Variants in AGMO observed in about 807,000 individuals in gnomAD.
AGMO encodes alkylglycerol monooxygenase.
A neutral mutation model predicts 60.2 loss-of-function variants in AGMO; 75 were observed. That is an observed-to-expected ratio of 1.25 (90% confidence interval 1.03 to 1.51). The LOEUF (loss-of-function observed/expected upper bound fraction) is 1.51, where lower values mean the gene tolerates loss of function less well. Ranked by LOEUF, AGMO falls within the 40% of genes most tolerant of loss-of-function variation. The probability of loss-of-function intolerance (pLI) is 0.00; values close to 1 mark genes in which losing one functional copy is unlikely to be tolerated. For missense variants in AGMO, 763 were observed against 525.5 expected, an observed-to-expected ratio of 1.45 and a Z score of -4.42; for synonymous variants, 261 against 177.1, an observed-to-expected ratio of 1.47 and a Z score of -3.76.
At chr7:15,525,547 C>G (rs1784106158) in intron 3 of AGMO, among the ~76,000 whole-genome samples, 1 of 152,150 alleles carries the variant, frequency 6.6e-6, no homozygotes, top group Non-Finnish European at 1.5e-5. Context: ...CCGCTGAGAT[C>G]TGTTTCATTG....
chr7:15,325,617 A>G (rs1583410686), intron 12 of AGMO, among the ~76,000 whole-genome samples: 1 of 152,288 alleles, frequency 6.6e-6, no homozygotes, highest in Non-Finnish European at 1.5e-5. Context: ...AAAAAGGAAA[A>G]TGGTTGAAAC....
chr7:15,288,856 A>G (rs376997702), intron 12 of AGMO, among the ~76,000 whole-genome samples: 8 of 147,268 alleles, frequency 5.4e-5, no homozygotes, highest in Non-Finnish European at 1.2e-4. Flanking sequence ...AAAAATAAAA[A>G]AAAAAAAAAT....
At chr7:15,128,479 T>C in the AGMO span, among the ~76,000 whole-genome samples, 184 of 152,262 alleles carry the variant, frequency 1.2e-3, no homozygotes, top group Non-Finnish European at 2.0e-3. Context: ...CTATGGACTT[T>C]GTGATAATTC....
chr7:15,409,820 C>G (rs890023426), intron 5 of AGMO, among the ~76,000 whole-genome samples: 3 of 151,742 alleles, frequency 2.0e-5, no homozygotes, highest in African/African-American at 4.8e-5. Flanking sequence ...TGGAGTCTGA[C>G]TACTTTGTAC....
intron 3 of AGMO, among the ~76,000 whole-genome samples, chr7:15,512,138 C>A (rs1043902287): frequency 4.6e-5 from 7 of 152,108 alleles, no homozygotes; most frequent in African/African-American, 1.7e-4. Flanking sequence ...GAGACTGATA[C>A]AACAGTTACA....
At chr7:15,560,952 A>T (rs1785286366) in intron 1 of AGMO, among the ~76,000 whole-genome samples, 3 of 152,178 alleles carry the variant, frequency 2.0e-5, no homozygotes, top group Admixed American at 2.0e-4. Context: ...TAACTTAAAA[A>T]CTCAGAAAGA....
At chr7:15,559,082 C>T (rs62438967) in intron 2 of AGMO, among the ~76,000 whole-genome samples, 8,569 of 152,182 alleles carry the variant, frequency 0.056, 282 homozygotes, top group Middle Eastern at 0.092. Flanking sequence ...CCTCTTCACA[C>T]ATTATAATGT....
chr7:15,370,584 T>C (rs1356700355), intron 10 of AGMO, among the ~76,000 whole-genome samples: 2 of 152,216 alleles, frequency 1.3e-5, no homozygotes, highest in Non-Finnish European at 2.9e-5. Flanking sequence ...ATAGCCATTC[T>C]TACTGGTGTG....
chr7:15,143,615 A>T, the AGMO span, among the ~76,000 whole-genome samples: 6 of 152,052 alleles, frequency 3.9e-5, no homozygotes, highest in Admixed American at 3.3e-4. Flanking sequence ...ATATTTAAAA[A>T]CATATTTCCA....
intron 10 of AGMO, among the ~76,000 whole-genome samples, chr7:15,373,912 C>A (rs993696299): frequency 3.9e-5 from 6 of 152,142 alleles, no homozygotes. Flanking sequence ...TAAAATGAGG[C>A]TAATATTGCC....
intron 12 of AGMO, among the ~76,000 whole-genome samples, chr7:15,333,870 T>G (rs1435815316): frequency 6.6e-6 from 1 of 152,088 alleles, no homozygotes; most frequent in Non-Finnish European, 1.5e-5. Flanking sequence ...CCAATTCCTA[T>G]TGCATGTATT....
chr7:15,238,642 A>G (rs1190445117), intron 12 of AGMO, among the ~76,000 whole-genome samples: 1 of 151,756 alleles, frequency 6.6e-6, no homozygotes, highest in East Asian at 1.9e-4. Flanking sequence ...CACAAAGGCA[A>G]AAAGGATTAT....
At position 15,201,341 on chromosome 7, in the gene AGMO, T is replaced by C. The variant is rs141940393; in HGVS notation, c.1282A>G (p.Ile428Val). Residue 428 changes from isoleucine to valine, a missense_variant, in exon 13 of 13, where the codon ATT (isoleucine) becomes GTT (valine). Coordinates refer to ENST00000342526, the MANE Select transcript of AGMO (RefSeq NM_001004320.2). ...SAFEIVFSIC[I>V]AFWGVRSMKQ... ...ATGCTTCTAACTCCCCAGAAAGCAA[T>C]GCAAATGGAAAAAACAATCTGAAGA... 80 of 1,611,486 alleles carry C rather than the reference T, an allele frequency of 5.0e-5. No homozygotes were observed. Among genetic ancestry groups the C allele is most frequent in the Non-Finnish European group, 8.5e-6 (10 of 1,178,890 alleles).
chr7:15,154,417 A>C, the AGMO span, among the ~76,000 whole-genome samples: 1 of 152,224 alleles, frequency 6.6e-6, no homozygotes, highest in Non-Finnish European at 1.5e-5. Context: ...TCCCATGCTC[A>C]TGGATAGCAA....
chr7:15,332,682 G>A (rs1423863122), intron 12 of AGMO, among the ~76,000 whole-genome samples: 1 of 152,056 alleles, frequency 6.6e-6, no homozygotes, highest in Non-Finnish European at 1.5e-5. Flanking sequence ...TAAAGTAAAT[G>A]AAGCGAGAGA....
In AGMO at chr7:15,354,463, T is replaced by TGTATATACAC. The variant is rs1782423418; in HGVS notation, c.1263+11050_1263+11051insGTGTATATAC. On this transcript the variant is annotated intron_variant, in intron 12 of 12. Coordinates refer to ENST00000342526, the MANE Select transcript of AGMO (RefSeq NM_001004320.2). Reference sequence around the variant, plus strand: ...ATACACACGTGTGTGTATACACACGTGTGTGTATACACACGTGTGTATATA... The same window carrying TGTATATACAC: ...ATACACACGTGTGTGTATACACACGTGTATATACACGTGTGTATACACACGTGTGTATATA... Among the ~76,000 whole-genome samples, 2 of 20,286 alleles carry TGTATATACAC rather than the reference T, an allele frequency of 9.9e-5. 1 individual carries two copies. The highest frequency in any genetic ancestry group is 1.5e-4 in the Non-Finnish European group (2 of 12,986). 13.3% of individuals were successfully genotyped at this position (20,286 alleles called of 152,430 possible). A position where few individuals can be genotyped will look rare whatever the true frequency, so the allele number is the denominator to read the frequency against.
chr7:15,195,350 C>G (rs982065565), downstream of AGMO, among the ~76,000 whole-genome samples: 1 of 152,192 alleles, frequency 6.6e-6, no homozygotes, highest in Non-Finnish European at 1.5e-5. Context: ...GATGGGTGCC[C>G]CAGTGGGTCT....
At chr7:15,365,387 A>AAAAAAAAAAAAAAAAAAAAAAAAAG in intron 12 of AGMO, 127 bp downstream of exon 12, 1 of 462,930 alleles carries the variant, frequency 2.2e-6, no homozygotes. Flanking sequence ...AAGTAAAAAA[A>AAAAAAAAAAAAAAAAAAAAAAAAAG]AAAAAAAAGA....
intron 4 of AGMO, among the ~76,000 whole-genome samples, chr7:15,421,036 T>C (rs1780908012): frequency 6.6e-6 from 1 of 152,164 alleles, no homozygotes; most frequent in Non-Finnish European, 1.5e-5. Flanking sequence ...TTTATTCTCT[T>C]ACTAAGTGAA....
Sources: allele counts gnomAD v4.1 joint callset (sites outside exome capture counted in the v4.1 genomes callset), GRCh38; gene constraint gnomAD v4.1.1; transcripts MANE v1.5; gene names NCBI Gene and HGNC (gene_info 2026-07-23, HGNC 2026-07-21).